Variants in ABCA4 observed in about 807,000 individuals in gnomAD.
ABCA4 encodes the protein retinal-specific phospholipid-transporting ATPase ABCA4.
ABCA4 carries 196 observed loss-of-function variants against 263.7 expected under a neutral mutation model. That is an observed-to-expected ratio of 0.74 (90% CI 0.66 to 0.84). The LOEUF is 0.84. Among genes scored for constraint, ABCA4 ranks in the 40% least tolerant of loss-of-function variants. The pLI is 0.00. For missense variants in ABCA4, 2,792 were observed against 2,855.1 expected (o/e 0.98, Z 0.50); for synonymous variants, 1,133 against 1,094.2 (o/e 1.04, Z -0.70).
intron 5 of ABCA4, among the ~76,000 whole-genome samples, chr1:94,102,478 C>T (rs1041858208): frequency 2.6e-5 from 4 of 151,944 alleles, no homozygotes; most frequent in African/African-American, 4.8e-5. Context: ...GGAAGGCCTT[C>T]CTGAGCATCC....
chr1:94,001,723 A>G, intron 45 of ABCA4, 135 bp downstream of exon 45: 2 of 1,308,392 alleles, frequency 1.5e-6, no homozygotes, highest in Non-Finnish European at 2.2e-6. Context: ...GCTCAAAATG[A>G]GCAACACAGG....
chr1:94,030,405 G>C, intron 29 of ABCA4, 23 bp downstream of exon 29: 1 of 1,611,430 alleles, frequency 6.2e-7, no homozygotes, highest in South Asian at 1.1e-5. Flanking sequence ...GTCTTCTTAG[G>C]ACAGGGGCGC....
chr1:93,998,699 ATTTAT>A (rs1185132256), intron 47 of ABCA4, among the ~76,000 whole-genome samples: 6 of 138,650 alleles, frequency 4.3e-5, no homozygotes, highest in Admixed American at 1.4e-4. Context: ...AGGTAGTTTT[ATTTAT>A]TTTATTTTAT....
At chr1:93,993,933 C>T (rs1008361674) in intron 49 of ABCA4, among the ~76,000 whole-genome samples, 3 of 152,046 alleles carry the variant, frequency 2.0e-5, no homozygotes, top group African/African-American at 4.8e-5. Context: ...CCAGTCTAGA[C>T]GAAATGTGGT....
rs1662535031 is a variant in ABCA4 at position 94,109,328 on chromosome 1, A to C, written c.303-612T>G. On this transcript the variant is annotated intron_variant, in intron 3 of 49. Coordinates refer to ENST00000370225, the MANE Select transcript of ABCA4 (RefSeq NM_000350.3). ...ATTGGTGGATATCACTGGAGGGTTT[A>C]TCCAGTTTTTACCCAATTCTCTGAG... 2.6e-5 allele frequency among the ~76,000 whole-genome samples: 4 copies of C among 152,274 alleles called. No individual in the cohort carries two copies. The South Asian group carries it at 8.3e-4, about 32-fold the overall frequency.
At chr1:94,099,598 G>T (rs560729280) in intron 5 of ABCA4, among the ~76,000 whole-genome samples, 31 of 152,312 alleles carry the variant, frequency 2.0e-4, no homozygotes, top group African/African-American at 7.2e-4. Flanking sequence ...CTCTCTGAAG[G>T]TGGGGTTGAG....
At chr1:94,005,389 C>G in intron 44 of ABCA4, 52 bp downstream of exon 44, 2 of 1,611,452 alleles carry the variant, frequency 1.2e-6, no homozygotes, top group Non-Finnish European at 1.7e-6. Context: ...TCTCATGAAA[C>G]AGGCTTGTAA....
chr1:94,039,939 G>T, intron 24 of ABCA4, 104 bp downstream of exon 24: 1 of 934,976 alleles, frequency 1.1e-6, no homozygotes, highest in Non-Finnish European at 1.7e-6. Context: ...GAAGTACCCA[G>T]TGTTCTCTTT....
At chr1:94,015,579 G>A (rs1000820096) in intron 37 of ABCA4, among the ~76,000 whole-genome samples, 160 bp downstream of exon 37, 1 of 152,166 alleles carries the variant, frequency 6.6e-6, no homozygotes, top group East Asian at 1.9e-4. Context: ...AAGCCAGACA[G>A]ATCCCTGGTT....
chr1:94,102,776 T>C (rs1020248721), intron 5 of ABCA4, among the ~76,000 whole-genome samples: 17 of 152,176 alleles, frequency 1.1e-4, no homozygotes, highest in Non-Finnish European at 2.1e-4. Flanking sequence ...TTCCTTCCAG[T>C]TATAAAAACC....
At chr1:94,101,952 C>T (rs934293991) in intron 5 of ABCA4, among the ~76,000 whole-genome samples, 2 of 152,186 alleles carry the variant, frequency 1.3e-5, no homozygotes, top group African/African-American at 2.4e-5. Context: ...TCCCAGGCAT[C>T]GCTGATGCTG....
In ABCA4 at chr1:94,103,009, C is replaced by T; in HGVS notation, c.570+6G>A. ...CAGGGACCACTGGCCAGTGACATCC[C>T]CCTACCTGCTCTGGACGGACTTGAG... On this transcript the variant is annotated splice_donor_region_variant and intron_variant, in intron 5 of 49. Coordinates refer to ENST00000370225, the MANE Select transcript of ABCA4 (RefSeq NM_000350.3). 1 of 1,614,180 alleles carries T rather than the reference C, an allele frequency of 6.2e-7. No homozygotes were observed. Among genetic ancestry groups the T allele is most frequent in the Non-Finnish European group, 8.5e-7 (1 of 1,180,028 alleles).
chr1:94,112,533 C>T (rs904112532), intron 2 of ABCA4, among the ~76,000 whole-genome samples: 7 of 152,308 alleles, frequency 4.6e-5, no homozygotes, highest in East Asian at 1.9e-4. Context: ...CAAGGTGGCT[C>T]ATGCTTGTAA....
At chr1:94,116,960 CTTTCTTTCT>C (rs1662783927) in intron 1 of ABCA4, among the ~76,000 whole-genome samples, 3 of 119,232 alleles carry the variant, frequency 2.5e-5, no homozygotes, top group South Asian at 7.4e-4. Context: ...TCCCTCCTTT[CTTTCTTTCT>C]CTTTCTTTCT....
intron 1 of ABCA4, among the ~76,000 whole-genome samples, chr1:94,113,545 A>T (rs925076206): frequency 1.3e-5 from 2 of 152,254 alleles, no homozygotes; most frequent in African/African-American, 4.8e-5. Context: ...GCAGTGTCAC[A>T]TCAGCAGTGG....
chr1:94,000,746 C>T, intron 47 of ABCA4, 90 bp downstream of exon 47: 1 of 1,364,258 alleles, frequency 7.3e-7, no homozygotes, highest in Non-Finnish European at 1.0e-6. Flanking sequence ...GATGACGGAG[C>T]AGCAGGACTC....
At chr1:94,001,209 G>T in intron 45 of ABCA4, 104 bp from the exon 46 acceptor site, 1 of 890,018 alleles carries the variant, frequency 1.1e-6, no homozygotes, top group Non-Finnish European at 1.8e-6. Flanking sequence ...CTGACAGAAG[G>T]CGCACACAGT....
rs553823824 is a variant in ABCA4, at chr1:94,013,760, G to A, written c.5460+783C>T. Among the ~76,000 whole-genome samples, 12 of 152,302 alleles carry A rather than the reference G, an allele frequency of 7.9e-5. No individual in the cohort carries two copies. The East Asian group carries it at 1.9e-3, about 24-fold the overall frequency. On this transcript the variant is annotated intron_variant, in intron 38 of 49. Coordinates refer to ENST00000370225, the MANE Select transcript of ABCA4 (RefSeq NM_000350.3). The stretch of plus-strand genomic sequence containing the variant: ...CTCATAAAAGTGAGGCATTCAGCAT[G>A]GAGAACACCCAGTCTCTTCATCAAG...
intron 38 of ABCA4, among the ~76,000 whole-genome samples, chr1:94,013,951 G>A (rs561023177): frequency 5.3e-5 from 8 of 152,300 alleles, no homozygotes; most frequent in Admixed American, 3.9e-4. Context: ...AACAGGGGTA[G>A]GAAGGAGATT....
Sources: allele counts gnomAD v4.1 joint callset (sites outside exome capture counted in the v4.1 genomes callset), GRCh38; gene constraint gnomAD v4.1.1; transcripts MANE v1.5; gene names NCBI Gene and HGNC (gene_info 2026-07-23, HGNC 2026-07-21).